The following TANC2 variants were observed in gnomAD, a reference collection of about 807,000 sequenced individuals.
TANC2 encodes the protein protein TANC2.
TANC2 carries 26 observed loss-of-function variants against 210.5 expected under a neutral mutation model. That is an observed-to-expected ratio of 0.12 (90% confidence interval 0.09 to 0.17). The LOEUF is 0.17. Ranked by LOEUF, TANC2 falls within the 10% of genes least tolerant of loss-of-function variation. The probability of loss-of-function intolerance (pLI) is 1.00; values close to 1 mark genes in which losing one functional copy is unlikely to be tolerated. For missense variants in TANC2, 2,129 were observed against 2,608.9 expected (o/e 0.82, Z 4.01); for synonymous variants, 931 against 967.1 (o/e 0.96, Z 0.69).
chr17:63,355,126 C>T, exon 14 of TANC2: 1 of 1,613,870 alleles, frequency 6.2e-7, no homozygotes, highest in Non-Finnish European at 8.5e-7. Context: ...CCAACCCAGT[C>T]TTCCTTTGAC....
At chr17:63,166,527 A>G (rs1012089796) in intron 5 of TANC2, among the ~76,000 whole-genome samples, 4 of 152,250 alleles carry the variant, frequency 2.6e-5, no homozygotes, top group Non-Finnish European at 4.4e-5. Context: ...AGCTTCTGCT[A>G]GGAGTCCTGA....
intron 4 of TANC2, among the ~76,000 whole-genome samples, chr17:63,148,037 C>T (rs1448376351): frequency 1.3e-5 from 2 of 152,080 alleles, no homozygotes; most frequent in Admixed American, 6.5e-5. Flanking sequence ...ATATAATCCT[C>T]ACAAATTGTC....
chr17:63,166,309 CAG>C (rs143389476), intron 5 of TANC2, among the ~76,000 whole-genome samples: 112 of 148,636 alleles, frequency 7.5e-4, no homozygotes, highest in African/African-American at 7.6e-4. Flanking sequence ...CTAGATAGCA[CAG>C]AGAGAGAGAG....
At chr17:63,389,415 G>C in exon 17 of TANC2, 1 of 1,613,956 alleles carries the variant, frequency 6.2e-7, no homozygotes, top group South Asian at 1.1e-5. Context: ...ACACAGAAAT[G>C]GTAGCCCTGC....
chr17:63,126,872 C>CT (rs1320503233), intron 4 of TANC2, among the ~76,000 whole-genome samples: 14 of 152,098 alleles, frequency 9.2e-5, no homozygotes, highest in African/African-American at 3.4e-4. Flanking sequence ...TCTTAGGACT[C>CT]TAACAGTATT....
intron 1 of TANC2, among the ~76,000 whole-genome samples, chr17:63,006,488 T>C: frequency 6.6e-6 from 1 of 152,184 alleles, no homozygotes; most frequent in East Asian, 1.9e-4. Context: ...TATTTAAAAA[T>C]ACCTGTTGTG....
intron 8 of TANC2, among the ~76,000 whole-genome samples, chr17:63,244,723 A>G (rs1246692849): frequency 6.6e-6 from 1 of 152,174 alleles, no homozygotes; most frequent in African/African-American, 2.4e-5. Flanking sequence ...ATTGTCTCTG[A>G]TATGATTTGG....
chr17:63,077,049 G>A (rs2036595172), intron 3 of TANC2, among the ~76,000 whole-genome samples: 1 of 152,046 alleles, frequency 6.6e-6, no homozygotes, highest in African/African-American at 2.4e-5. Flanking sequence ...GGCTCACTTT[G>A]TGCTTAGTAC....
intron 4 of TANC2, among the ~76,000 whole-genome samples, chr17:63,100,696 T>A (rs1211784031): frequency 2.0e-5 from 3 of 152,282 alleles, no homozygotes; most frequent in African/African-American, 7.2e-5. Flanking sequence ...GTCCAGTTTC[T>A]ATGTAGAAGT....
At chr17:63,328,431 A>G (rs1243537080) in intron 11 of TANC2, among the ~76,000 whole-genome samples, 3 of 151,618 alleles carry the variant, frequency 2.0e-5, no homozygotes, top group Admixed American at 2.0e-4. Context: ...GTGTGTTTGT[A>G]TAATAGAATA....
intron 12 of TANC2, among the ~76,000 whole-genome samples, chr17:63,343,859 G>A (rs2046316372): frequency 6.6e-6 from 1 of 152,176 alleles, no homozygotes; most frequent in Non-Finnish European, 1.5e-5. Context: ...TCATGCCACT[G>A]CACTCCAGCT....
chr17:63,105,450 A>G (rs1391252993), intron 4 of TANC2, among the ~76,000 whole-genome samples: 1 of 151,756 alleles, frequency 6.6e-6, no homozygotes, highest in East Asian at 1.9e-4. Flanking sequence ...GTGTTATTCT[A>G]CATAGTCTGA....
chr17:63,137,028 C>T (rs1322994336), intron 4 of TANC2, among the ~76,000 whole-genome samples: 3 of 152,086 alleles, frequency 2.0e-5, no homozygotes, highest in Non-Finnish European at 2.9e-5. Flanking sequence ...CTCCACGAGG[C>T]TAAAGAAAGA....
intron 3 of TANC2, among the ~76,000 whole-genome samples, chr17:63,093,383 C>T (rs2037275312): frequency 6.6e-6 from 1 of 152,140 alleles, no homozygotes; most frequent in Non-Finnish European, 1.5e-5. Context: ...CCTTTCTACA[C>T]TGAATTATCC....
intron 7 of TANC2, among the ~76,000 whole-genome samples, chr17:63,225,057 AC>A (rs2042294078): frequency 3.3e-5 from 5 of 151,702 alleles, no homozygotes; most frequent in African/African-American, 1.2e-4. Context: ...ATCTCCCTCT[AC>A]CCTTCACAGA....
chr17:63,023,614 G>A (rs536992872), intron 2 of TANC2, among the ~76,000 whole-genome samples: 2 of 152,248 alleles, frequency 1.3e-5, no homozygotes, highest in Middle Eastern at 3.4e-3. Flanking sequence ...CCTTTTTGGC[G>A]TGGGAATATT....
At position 62,972,807 on chromosome 17, in the gene TANC2, G is replaced by A. The variant is rs77358751; in HGVS notation, c.-24+6058G>A. 2.0e-3 allele frequency among the ~76,000 whole-genome samples: 308 copies of A among 152,258 alleles called. 3 individuals carry two copies. The highest frequency in any genetic ancestry group is 7.0e-3 in the African/African-American group (290 of 41,552). On this transcript the variant is annotated intron_variant, in intron 1 of 27. Transcript: ENST00000689528. The stretch of plus-strand genomic sequence containing the variant: ...TAGTAAACTGTGTGTGGTTCCTTCA[G>A]TATGTAGTATTCTCCTACCTTTTCA...
chr17:63,221,277 T>TA (rs796127784), intron 7 of TANC2, among the ~76,000 whole-genome samples: 6 of 150,874 alleles, frequency 4.0e-5, no homozygotes, highest in Admixed American at 2.0e-4. Flanking sequence ...CTAAAAAAAA[T>TA]AAAAAAATTA....
intron 8 of TANC2, among the ~76,000 whole-genome samples, chr17:63,239,256 T>G (rs1046820256): frequency 2.6e-5 from 4 of 152,188 alleles, no homozygotes; most frequent in Admixed American, 6.5e-5. Flanking sequence ...AAGGGGTATT[T>G]TTACTACAGC....
Sources: gnomAD v4.1 joint callset for allele counts (sites outside exome capture counted in the v4.1 genomes callset) on GRCh38, gnomAD v4.1.1 for gene constraint, MANE v1.5 for transcripts, NCBI Gene and HGNC (gene_info 2026-07-23, HGNC 2026-07-21) for gene names.